ARHGEF3: variants seen among roughly 807,000 people sequenced by gnomAD.
The protein encoded by ARHGEF3 is 59.8 kDA protein.
In ARHGEF3, 28 loss-of-function variants were observed where a neutral mutation model predicts 63.2. That is an observed-to-expected ratio of 0.44 (90% confidence interval 0.33 to 0.61). The LOEUF (loss-of-function observed/expected upper bound fraction) is 0.61. Ranked by LOEUF, ARHGEF3 falls within the 20% of genes least tolerant of loss-of-function variation. The pLI, the probability that ARHGEF3 is intolerant of heterozygous loss-of-function variation, is 0.03. For missense variants in ARHGEF3, 533 were observed against 659.3 expected (o/e 0.81, Z 2.10); for synonymous variants, 266 against 254.2 (o/e 1.05, Z -0.44).
chr3:56,790,639 G>A (rs2037032134), intron 1 of ARHGEF3, among the ~76,000 whole-genome samples: 1 of 152,120 alleles, frequency 6.6e-6, no homozygotes, highest in African/African-American at 2.4e-5. Flanking sequence ...TATTTGCCTG[G>A]GGTCGTTCTT....
chr3:56,981,844 C>T (rs1204316780), intron 2 of ARHGEF3, among the ~76,000 whole-genome samples: 1 of 152,222 alleles, frequency 6.6e-6, no homozygotes, highest in Non-Finnish European at 1.5e-5. Context: ...CTGTTCCTCA[C>T]TGCCCAGCAT....
intron 1 of ARHGEF3, among the ~76,000 whole-genome samples, chr3:57,056,524 G>A (rs1428588733): frequency 6.6e-6 from 1 of 151,990 alleles, no homozygotes; most frequent in Non-Finnish European, 1.5e-5. Context: ...CTGGACAGGA[G>A]GACCAGCAGA....
At chr3:56,798,399 C>A (rs1204903890) in intron 1 of ARHGEF3, among the ~76,000 whole-genome samples, 1 of 152,160 alleles carries the variant, frequency 6.6e-6, no homozygotes, top group East Asian at 1.9e-4. Flanking sequence ...TATATTCTTA[C>A]AAAAATAACA....
Position 56,801,939 on chromosome 3 carries a change from AGGACT to A in ARHGEF3, c.-146_-142del, listed in dbSNP as rs2037678609. 3.1e-5 allele frequency: 43 copies of A among 1,405,460 alleles called. No homozygotes were observed. Among genetic ancestry groups the A allele is most frequent in the Non-Finnish European group, 4.1e-5 (43 of 1,060,100 alleles). The allele number at this position is 1,405,460 out of a possible 1,614,324, so 87.1% of individuals were successfully genotyped here. A position where few individuals can be genotyped will look rare whatever the true frequency, so the allele number is the denominator to read the frequency against. On this transcript the variant is annotated 5_prime_UTR_variant, in exon 1 of 10. Coordinates refer to ENST00000296315, the MANE Select transcript of ARHGEF3 (RefSeq NM_019555.3). ...ACCGACAGCCGGCTTCTAGCCGGGCAGGACTCGACTGGGCTCCGGAGCCGAGTGGG... is the reference window on the plus strand; with the variant it reads ...ACCGACAGCCGGCTTCTAGCCGGGCACGACTGGGCTCCGGAGCCGAGTGGG...
At chr3:57,036,254 C>T (rs1036745607) in intron 1 of ARHGEF3, among the ~76,000 whole-genome samples, 3 of 152,076 alleles carry the variant, frequency 2.0e-5, no homozygotes, top group African/African-American at 7.2e-5. Context: ...ATGAAGAATA[C>T]AGAGGGCATC....
chr3:56,818,548 G>A (rs978396278), intron 4 of ARHGEF3, among the ~76,000 whole-genome samples: 4 of 152,238 alleles, frequency 2.6e-5, no homozygotes, highest in African/African-American at 7.2e-5. Flanking sequence ...CAAACTGATA[G>A]AAGTTGAGCT....
intron 2 of ARHGEF3, among the ~76,000 whole-genome samples, chr3:56,757,515 T>G (rs1443178429): frequency 1.3e-5 from 2 of 152,154 alleles, no homozygotes; most frequent in African/African-American, 4.8e-5. Context: ...GGATGGAATA[T>G]TATCTAGACA....
At chr3:56,808,123 CAA>C (rs201541052) in intron 4 of ARHGEF3, among the ~76,000 whole-genome samples, 1,548 of 114,720 alleles carry the variant, frequency 0.013, 19 homozygotes, top group African/African-American at 0.043. Context: ...GACTCTGTCT[CAA>C]AAAAAAAAAA....
intron 2 of ARHGEF3, among the ~76,000 whole-genome samples, chr3:56,982,435 A>T (rs188107648): frequency 3.0e-4 from 45 of 151,434 alleles, no homozygotes; most frequent in African/African-American, 1.0e-3. Context: ...ATGGAGCGAA[A>T]CCCCTCCTTC....
intron 4 of ARHGEF3, among the ~76,000 whole-genome samples, chr3:56,865,435 C>G (rs1414121601): frequency 6.6e-6 from 1 of 152,134 alleles, no homozygotes; most frequent in Non-Finnish European, 1.5e-5. Context: ...AAGGCAAAAC[C>G]ACATGAAATA....
rs147577092 is a variant in ARHGEF3, at chr3:56,945,908, C to T, written c.129+12915G>A. Among the ~76,000 whole-genome samples the T allele has an allele frequency of 5.3e-3, 800 of 152,246 alleles. 7 individuals are homozygous for T. Among genetic ancestry groups the T allele is most frequent in the African/African-American group, 0.019 (777 of 41,542 alleles). On this transcript the variant is annotated intron_variant, in intron 3 of 12. Coordinates refer to the ARHGEF3 transcript ENST00000338458. ...CGGGCAGACTGACACCTCACACGGC[C>T]GGGTACTCCTCTCAGACAAAACTTC... is the stretch of plus-strand genomic sequence containing the variant.
intron 2 of ARHGEF3, among the ~76,000 whole-genome samples, chr3:57,029,854 T>C (rs1644251827): frequency 6.6e-6 from 1 of 152,126 alleles, no homozygotes; most frequent in African/African-American, 2.4e-5. Context: ...CTCCCTTATG[T>C]TGGGTTTCTG....
intron 3 of ARHGEF3, among the ~76,000 whole-genome samples, chr3:56,886,763 T>C (rs548333631): frequency 6.6e-6 from 1 of 152,136 alleles, no homozygotes; most frequent in Non-Finnish European, 1.5e-5. Flanking sequence ...CCCCATGAGG[T>C]AGGTGGATAA....
chr3:56,935,608 C>T (rs1303705652), intron 3 of ARHGEF3, among the ~76,000 whole-genome samples: 1 of 152,056 alleles, frequency 6.6e-6, no homozygotes, highest in Non-Finnish European at 1.5e-5. Context: ...CAACTCCAGA[C>T]GCTCTGCCTT....
chr3:56,733,349 G>T (rs13071210), intron 8 of ARHGEF3, among the ~76,000 whole-genome samples: 1 of 48,956 alleles, frequency 2.0e-5, no homozygotes, highest in Non-Finnish European at 3.9e-5. Flanking sequence ...GGGGGGGGGC[G>T]CCTGTAATCC....
chr3:57,035,088 C>G lies in ARHGEF3; in HGVS notation c.62G>C (p.Arg21Thr), dbSNP rs1314970493. 16 of 1,541,156 alleles carry G rather than the reference C, an allele frequency of 1.0e-5. No homozygotes were observed. The African/African-American group carries it at 1.5e-4, about 15-fold the overall frequency. Residue 21 changes from arginine to threonine, a missense_variant and splice_region_variant, in exon 2 of 13, where the codon AGG becomes ACG. By Grantham distance (71) the Arg-to-Thr change is moderately conservative (BLOSUM62 -1). Transcript: ENST00000338458. ...ATTTAGGTTATTTGATTATTTTTAC[C>G]TTTCCTTGTTTTCTTCCATTCCTCT...
chr3:56,737,525 T>C (rs886325092), intron 7 of ARHGEF3, among the ~76,000 whole-genome samples, 170 bp from the exon 8 acceptor site: 7 of 152,000 alleles, frequency 4.6e-5, no homozygotes, highest in Admixed American at 1.3e-4. Flanking sequence ...ACTTTTAGCA[T>C]ACTGCATCTA....
intron 2 of ARHGEF3, among the ~76,000 whole-genome samples, chr3:56,983,898 C>T (rs13067146): frequency 0.22 from 33,133 of 148,752 alleles, 3,904 homozygotes; most frequent in Middle Eastern, 0.38. Context: ...ATTGTGCCAC[C>T]GCACTCCAGC....
chr3:56,900,807 T>C (rs751173793), intron 3 of ARHGEF3, among the ~76,000 whole-genome samples: 2 of 152,214 alleles, frequency 1.3e-5, no homozygotes, highest in Non-Finnish European at 2.9e-5. Flanking sequence ...AGTAATAAAA[T>C]AGAGCAACTG....
Sources: gnomAD v4.1 joint callset for allele counts (sites outside exome capture counted in the v4.1 genomes callset) on GRCh38, gnomAD v4.1.1 for gene constraint, MANE v1.5 for transcripts, NCBI Gene and HGNC (gene_info 2026-07-23, HGNC 2026-07-21) for gene names.